The following SETDB2 variants were observed in gnomAD, a reference collection of about 807,000 sequenced individuals.
SETDB2 encodes the protein SET domain bifurcated histone lysine methyltransferase 2, also known as histone-lysine N-methyltransferase SETDB2.
Under a neutral mutation model 82.5 loss-of-function variants are expected in SETDB2, and 56 were observed. The ratio of observed to expected loss-of-function variants is 0.68; its 90% confidence interval spans 0.55 to 0.85. SETDB2 has a LOEUF of 0.85. Ranked by LOEUF, SETDB2 falls within the 40% of genes least tolerant of loss-of-function variation. The pLI, the probability that SETDB2 is intolerant of heterozygous loss-of-function variation, is 0.00. For synonymous variants in SETDB2, 272 were observed against 284.9 expected (o/e 0.95, Z 0.46); for missense variants, 677 against 816.4 (o/e 0.83, Z 2.08).
At chr13:49,470,736 C>A (rs1012378544) in intron 5 of SETDB2, among the ~76,000 whole-genome samples, 1 of 152,138 alleles carries the variant, frequency 6.6e-6, no homozygotes, top group Admixed American at 6.6e-5. Flanking sequence ...GTGGTCCCAG[C>A]TACTTGGGAG....
intron 2 of SETDB2, among the ~76,000 whole-genome samples, chr13:49,454,806 G>A (rs1957849821): frequency 6.6e-6 from 1 of 152,032 alleles, no homozygotes; most frequent in Non-Finnish European, 1.5e-5. Flanking sequence ...GTAATGTATG[G>A]ATTGTTATAC....
intron 5 of SETDB2, among the ~76,000 whole-genome samples, chr13:49,475,910 A>G (rs1308378706): frequency 6.6e-6 from 1 of 152,070 alleles, no homozygotes; most frequent in Non-Finnish European, 1.5e-5. Flanking sequence ...AGTTGGTACT[A>G]TTGTTGAAGG....
At chr13:49,485,975 G>A in intron 11 of SETDB2, 1 of 615,200 alleles carries the variant, frequency 1.6e-6, no homozygotes, top group East Asian at 2.7e-5. Flanking sequence ...ATCAGAAGGT[G>A]ATAATATTTT....
intron 13 of SETDB2, among the ~76,000 whole-genome samples, chr13:49,491,378 C>T (rs1252332449): frequency 6.6e-6 from 1 of 152,224 alleles, no homozygotes; most frequent in African/African-American, 2.4e-5. Flanking sequence ...TATCAGGTAT[C>T]ACCCAGTTCC....
In SETDB2 at chr13:49,476,457, G is replaced by A. The variant is rs1300527273; in HGVS notation, c.306-19G>A. Reference sequence around the variant, plus strand: ...TGAACTATAAATTTGAGATACTAATGAATAATTTATTTTAACAGAACAACA... The same window carrying A: ...TGAACTATAAATTTGAGATACTAATAAATAATTTATTTTAACAGAACAACA... On this transcript the variant is annotated intron_variant, in intron 5 of 13. Coordinates refer to ENST00000611815, the MANE Select transcript of SETDB2 (RefSeq NM_001160308.3). 1.4e-6 allele frequency: 2 copies of A among 1,460,648 alleles called. No individual in the cohort carries two copies. The highest frequency in any genetic ancestry group is 2.2e-5 in the Admixed American group (1 of 45,578). The allele number at this position is 1,460,648 out of a possible 1,614,324, so 90.5% of individuals were successfully genotyped here. A position where few individuals can be genotyped will look rare whatever the true frequency, so the allele number is the denominator to read the frequency against.
intron 5 of SETDB2, 31 bp downstream of exon 5, chr13:49,467,991 T>C (rs1310503708): frequency 1.4e-6 from 2 of 1,456,730 alleles, no homozygotes; most frequent in Non-Finnish European, 1.9e-6. Flanking sequence ...TTATTAATGC[T>C]TTTGCTCCTA....
chr13:49,489,834 G>A (rs1958671296), intron 12 of SETDB2, among the ~76,000 whole-genome samples: 1 of 146,548 alleles, frequency 6.8e-6, no homozygotes, highest in African/African-American at 2.5e-5. Context: ...GACCTCAAGT[G>A]ATCTGCCTGC....
At chr13:49,457,519 C>T (rs532960227) in intron 2 of SETDB2, among the ~76,000 whole-genome samples, 3 of 151,490 alleles carry the variant, frequency 2.0e-5, no homozygotes, top group Admixed American at 6.6e-5. Flanking sequence ...CTGTAACCTC[C>T]GCCTCCTAGG....
intron 3 of SETDB2, among the ~76,000 whole-genome samples, chr13:49,460,810 T>C (rs1211230190): frequency 6.6e-6 from 1 of 152,164 alleles, no homozygotes; most frequent in Non-Finnish European, 1.5e-5. Context: ...ATTATGTGTT[T>C]ATCAAAAAAA....
intron 5 of SETDB2, among the ~76,000 whole-genome samples, chr13:49,474,995 T>C (rs895590769): frequency 6.6e-6 from 1 of 152,200 alleles, no homozygotes; most frequent in Non-Finnish European, 1.5e-5. Flanking sequence ...CTTTATATAG[T>C]GTATTAGTCC....
chr13:49,464,521 C>A (rs117596100), intron 4 of SETDB2, among the ~76,000 whole-genome samples: 4 of 152,162 alleles, frequency 2.6e-5, no homozygotes, highest in South Asian at 2.1e-4. Context: ...TTCTGAAGAA[C>A]CTTTTTTTCC....
At chr13:49,475,790 CT>C (rs1248265990) in intron 5 of SETDB2, among the ~76,000 whole-genome samples, 14 of 148,096 alleles carry the variant, frequency 9.5e-5, no homozygotes, top group South Asian at 2.1e-4. Flanking sequence ...ACCCTGCCGA[CT>C]TTTTTTTTTA....
chr13:49,489,189 C>T (rs3764088), intron 12 of SETDB2: 45,281 of 153,444 alleles, frequency 0.3, 7,843 homozygotes, highest in East Asian at 0.42. Context: ...CTGCAACCTC[C>T]GCTTCTGGGG....
intron 5 of SETDB2, among the ~76,000 whole-genome samples, chr13:49,471,932 ATATT>A: frequency 1.3e-5 from 1 of 75,338 alleles, no homozygotes; most frequent in East Asian, 4.4e-4. Context: ...ATATATATAT[ATATT>A]TTTTTTTTTT....
Position 49,491,745 on chromosome 13 carries a change from A to G in SETDB2, c.2020A>G (p.Arg674Gly). ...TCTACTTTCTAGGTATGTGAAAGCA[A>G]GAACAGAGCTAACATGGGATTATGG... ...AFFTNRYVKARTELTWDYGYE... is the reference protein window; with the variant it reads ...AFFTNRYVKAGTELTWDYGYE... Residue 674 changes from arginine to glycine, a missense_variant, in exon 14 of 14, where the codon AGA becomes GGA. Arg to Gly is a moderately radical substitution (Grantham distance 125). This residue lies in a region of SETDB2 where 420 missense variants were observed against 554.6 expected (regional missense o/e 0.76). Coordinates refer to ENST00000611815, the MANE Select transcript of SETDB2 (RefSeq NM_001160308.3). The G allele has an allele frequency of 6.2e-7, 1 of 1,611,332 alleles. No individual in the cohort carries two copies. The highest frequency in any genetic ancestry group is 8.5e-7 in the Non-Finnish European group (1 of 1,179,032).
Position 49,494,158 on chromosome 13 carries a change from T to C in SETDB2, c.*2309T>C, listed in dbSNP as rs1204386748. ...TCCAGTTCATCTGTTGCATTTTATT[T>C]TTCTAGTCTCATATTGTCTCATATT... On this transcript the variant is annotated 3_prime_UTR_variant, in exon 14 of 14. Transcript: ENST00000611815. 2.6e-5 allele frequency: 4 copies of C among 152,174 alleles called. No homozygotes were observed. Among genetic ancestry groups the C allele is most frequent in the African/African-American group, 9.7e-5 (4 of 41,434 alleles). 9.4% of individuals were successfully genotyped at this position (152,174 alleles called of 1,614,324 possible). A position where few individuals can be genotyped will look rare whatever the true frequency, so the allele number is the denominator to read the frequency against.
At chr13:49,479,342 A>G (rs1016920904) in intron 6 of SETDB2, among the ~76,000 whole-genome samples, 1 of 152,268 alleles carries the variant, frequency 6.6e-6, no homozygotes, top group African/African-American at 2.4e-5. Context: ...TATTATCTGT[A>G]TTTTTCTGTA....
intron 4 of SETDB2, among the ~76,000 whole-genome samples, chr13:49,464,414 C>A (rs960421477): frequency 6.6e-6 from 1 of 152,140 alleles, no homozygotes; most frequent in Admixed American, 6.5e-5. Flanking sequence ...TCTGGACAAT[C>A]CTTAAGGGAT....
At chr13:49,453,705 G>A (rs1957825462) in intron 2 of SETDB2, among the ~76,000 whole-genome samples, 1 of 152,058 alleles carries the variant, frequency 6.6e-6, no homozygotes, top group African/African-American at 2.4e-5. Context: ...GCTCTAGATT[G>A]CTCTCGTATA....
Sources: allele counts gnomAD v4.1 joint callset (sites outside exome capture counted in the v4.1 genomes callset), GRCh38; gene constraint gnomAD v4.1.1; regional missense constraint gnomAD v4.1.1; transcripts MANE v1.5; gene names NCBI Gene and HGNC (gene_info 2026-07-23, HGNC 2026-07-21).